Variants in NEB observed in about 807,000 individuals in gnomAD.
The protein encoded by NEB is nemaline myopathy type 2.
In NEB, 512 loss-of-function variants were observed where a neutral mutation model predicts 952.2. The observed-to-expected ratio is 0.54, with a 90% CI of 0.50 to 0.58. The LOEUF (loss-of-function observed/expected upper bound fraction) is 0.58. Among genes scored for constraint, NEB ranks in the 20% least tolerant of loss-of-function variants. The pLI is 0.00. For missense variants in NEB, 8,428 were observed against 9,231.1 expected (o/e 0.91, Z 3.56); for synonymous variants, 2,900 against 3,149.8 (o/e 0.92, Z 2.66).
chr2:151,727,860 T>C lies in NEB; in HGVS notation c.125A>G (p.Tyr42Cys), dbSNP rs756162358. The change falls in exon 5 of 182, where the codon TAT (tyrosine) becomes TGT (cysteine). Residue 42 changes from tyrosine (Y) to cysteine (C), a missense_variant. This residue lies in a region of NEB where 2,851 missense variants were observed against 2,791.5 expected (regional missense o/e 1.02). Coordinates refer to ENST00000397345, the MANE Select transcript of NEB (RefSeq NM_001164508.2). ...TGGTTTGGAAGTTTCTGATTGCTCA[T>C]AGTCAGATGTCCTTGTTGTCGTAGT... ...YETTTTRTSD[Y>C]EQSETSKPAL... 35 of 1,613,378 alleles carry C rather than the reference T, an allele frequency of 2.2e-5. No individual in the cohort carries two copies. The South Asian group carries it at 3.7e-4, about 17-fold the overall frequency.
intron 11 of NEB, among the ~76,000 whole-genome samples, chr2:151,710,124 G>T (rs114459145): frequency 0.013 from 1,918 of 152,320 alleles, 47 homozygotes; most frequent in African/African-American, 0.044. Context: ...GGCTCCTCAG[G>T]CAAAGAATAA....
intron 133 of NEB, among the ~76,000 whole-genome samples, chr2:151,546,708 A>C (rs550731190): frequency 6.6e-6 from 1 of 151,892 alleles, no homozygotes; most frequent in African/African-American, 2.4e-5. Flanking sequence ...ACAGGCGTAC[A>C]TCATCGTGCC....
chr2:151,694,127 GCAGTAT>G (rs2099578585), intron 20 of NEB, among the ~76,000 whole-genome samples, 190 bp downstream of exon 20: 1 of 152,154 alleles, frequency 6.6e-6, no homozygotes, highest in Non-Finnish European at 1.5e-5. Context: ...AGGAAAATTT[GCAGTAT>G]TCACTGGCAT....
At chr2:151,643,726 T>C (rs2098917674) in intron 57 of NEB, 92 bp downstream of exon 57, 4 of 1,535,526 alleles carry the variant, frequency 2.6e-6, no homozygotes, top group South Asian at 1.3e-5. Flanking sequence ...TCCAGGGTAA[T>C]TGTGTAAACT....
chr2:151,665,993 T>G (rs1298032923), intron 41 of NEB, 97 bp downstream of exon 41: 1 of 1,254,942 alleles, frequency 8.0e-7, no homozygotes, highest in East Asian at 2.3e-5. Context: ...AATCCTTAAT[T>G]ACAGTGAGTG....
chr2:151,610,906 G>T, intron 78 of NEB, 40 bp from the exon 79 acceptor site: 1 of 1,299,900 alleles, frequency 7.7e-7, no homozygotes, highest in Non-Finnish European at 1.1e-6. Context: ...GAGAGGGAGG[G>T]AGTATAAGAC....
intron 162 of NEB, among the ~76,000 whole-genome samples, chr2:151,507,571 G>C (rs1027013141): frequency 2.0e-5 from 3 of 152,102 alleles, no homozygotes; most frequent in Non-Finnish European, 4.4e-5. Flanking sequence ...TAAATCCCCT[G>C]TTTATTACCA....
At chr2:151,688,008 T>C (rs1187666391) in intron 25 of NEB, among the ~76,000 whole-genome samples, 1 of 152,172 alleles carries the variant, frequency 6.6e-6, no homozygotes, top group African/African-American at 2.4e-5. Context: ...GACACTCACT[T>C]GGAGAAGGTG....
intron 157 of NEB, 87 bp downstream of exon 157, chr2:151,516,372 T>C (rs567069085): frequency 1.2e-6 from 1 of 833,842 alleles, no homozygotes; most frequent in East Asian, 2.6e-5. Flanking sequence ...CACTTTTGGA[T>C]GACAGGAAAC....
intron 72 of NEB, among the ~76,000 whole-genome samples, chr2:151,620,261 T>C (rs1002866163): frequency 6.7e-6 from 1 of 148,640 alleles, no homozygotes; most frequent in Non-Finnish European, 1.5e-5. Context: ...TGTTGTACAA[T>C]AATATGAATA....
At chr2:151,584,041 G>A (rs1241696979) in intron 100 of NEB, among the ~76,000 whole-genome samples, 1 of 79,110 alleles carries the variant, frequency 1.3e-5, no homozygotes, top group Admixed American at 1.3e-4. Flanking sequence ...ACTCTATGCC[G>A]GACACTATTA....
chr2:151,527,014 A>T lies in NEB; in HGVS notation c.21849T>A (p.Tyr7283Ter). 1 of 1,591,350 alleles carries T rather than the reference A, an allele frequency of 6.3e-7. No individual in the cohort carries two copies. The highest frequency in any genetic ancestry group is 8.6e-7 in the Non-Finnish European group (1 of 1,166,400). The change falls in exon 148 of 182, where the codon TAT becomes TAA. Residue 7283 changes from tyrosine to a stop codon, truncating the protein, a stop_gained. Transcript: ENST00000397345. LOFTEE classifies it high-confidence loss of function. ...CCTTGAGGAACTCCCGGTCCAGCTT[A>T]TATTCAAACTGTGATAGAAGAAAGG... ...KSSLQQSDFEYKLDREFLKGC... is the reference protein window; with the variant it reads ...KSSLQQSDFE
At chr2:151,715,368 T>C (rs553228974) in intron 10 of NEB, among the ~76,000 whole-genome samples, 27 of 152,382 alleles carry the variant, frequency 1.8e-4, no homozygotes, top group Admixed American at 7.8e-4. Context: ...CAGTGTCTAT[T>C]TCTCACATAT....
At chr2:151,539,180 G>A (rs2093678399) in intron 138 of NEB, among the ~76,000 whole-genome samples, 1 of 152,120 alleles carries the variant, frequency 6.6e-6, no homozygotes, top group African/African-American at 2.4e-5. Flanking sequence ...TCAATGTGTG[G>A]CCACCGCTGT....
In NEB at chr2:151,643,933, T is replaced by C; in HGVS notation, c.7841A>G (p.Lys2614Arg). Residue 2614 changes from lysine to arginine, a missense_variant, in exon 57 of 182, where the codon AAG (lysine) becomes AGG (arginine). Coordinates refer to ENST00000397345, the MANE Select transcript of NEB (RefSeq NM_001164508.2). The part of the protein sequence containing the change: ...VDMLGVVLAK[K>R]CQTLVSDVDY... Reference sequence around the variant, plus strand: ...CACGTCGCTGACTAAGGTCTGGCACTTCTTGGCCAACACCACCCCCAGCAT... The same window carrying C: ...CACGTCGCTGACTAAGGTCTGGCACCTCTTGGCCAACACCACCCCCAGCAT... 6.2e-7 allele frequency: 1 copy of C among 1,613,932 alleles called. No individual in the cohort carries two copies. The highest frequency in any genetic ancestry group is 8.5e-7 in the Non-Finnish European group (1 of 1,179,818).
In NEB at chr2:151,514,957, TAAA is replaced by T. The variant is rs749127170; in HGVS notation, c.22906-32_22906-30del. 3 of 1,402,490 alleles carry T rather than the reference TAAA, an allele frequency of 2.1e-6. No individual in the cohort carries two copies. In the East Asian group the frequency reaches 7.5e-5, roughly 35 times the overall value. The allele number at this position is 1,402,490 out of a possible 1,614,324, so 86.9% of individuals were successfully genotyped here. The stretch of plus-strand genomic sequence containing the variant: ...ATGTAAGTAGGAAGGAAAGACAAGT[TAAA>T]AAAAAATCTTTATTACAATATATCT... On this transcript the variant is annotated intron_variant, in intron 157 of 181. Coordinates refer to ENST00000397345, the MANE Select transcript of NEB (RefSeq NM_001164508.2).
intron 53 of NEB, 94 bp downstream of exon 53, chr2:151,650,480 T>C (rs2099018820): frequency 2.0e-6 from 3 of 1,489,054 alleles, no homozygotes; most frequent in Non-Finnish European, 2.7e-6. Context: ...AGATTTTCAA[T>C]AATAATTCCT....
chr2:151,672,431 T>C lies in NEB; in HGVS notation c.4237A>G (p.Thr1413Ala). The change falls in exon 37 of 182, where the codon ACA becomes GCA. Residue 1413 changes from threonine to alanine, a missense_variant. By Grantham distance (58) the Thr-to-Ala change is moderately conservative (BLOSUM62 0). Around this residue, in one of 11 missense-constraint regions of NEB, gnomAD observed 2,851 missense variants for 2,791.5 expected, o/e 1.02. Coordinates refer to ENST00000397345, the MANE Select transcript of NEB (RefSeq NM_001164508.2). ...AGACTCATGGCGTCAGGTAGGTATG[T>C]GTAATGATGCAATGGCTGTTTGTAG... ...VNYKQPLHHY[T>A]YLPDAMSLEH... is the part of the protein sequence containing the mutation. 1.2e-6 allele frequency: 2 copies of C among 1,613,906 alleles called. No individual in the cohort carries two copies. Among genetic ancestry groups the C allele is most frequent in the African/African-American group, 1.3e-5 (1 of 75,058 alleles).
intron 149 of NEB, 42 bp from the exon 150 acceptor site, chr2:151,526,110 G>C (rs2085651190): frequency 6.2e-7 from 1 of 1,611,320 alleles, no homozygotes; most frequent in African/African-American, 1.3e-5. Context: ...ATCTGCCTGG[G>C]GCGTTCTCCC....
Sources: allele counts gnomAD v4.1 joint callset (sites outside exome capture counted in the v4.1 genomes callset), GRCh38; gene constraint gnomAD v4.1.1; regional missense constraint gnomAD v4.1.1; transcripts MANE v1.5; gene names NCBI Gene and HGNC (gene_info 2026-07-23, HGNC 2026-07-21).